HNRNPA3: variants seen among roughly 807,000 people sequenced by gnomAD.
The protein encoded by HNRNPA3 is heterogeneous nuclear ribonucleoprotein A3, also known as epididymis secretory sperm binding protein.
HNRNPA3 carries 3 observed loss-of-function variants against 45.8 expected under a neutral mutation model. That is an observed-to-expected ratio of 0.07 (90% confidence interval 0.03 to 0.17). The LOEUF is 0.17. Among genes scored for constraint, HNRNPA3 ranks in the 10% least tolerant of loss-of-function variants. The pLI, the probability that HNRNPA3 is intolerant of heterozygous loss-of-function variation, is 1.00. For synonymous variants in HNRNPA3, 170 were observed against 155.6 expected, an observed-to-expected ratio of 1.09 and a Z score of -0.69; for missense variants, 183 against 480.3, an observed-to-expected ratio of 0.38 and a Z score of 5.79.
chr2:177,216,837 A>G (rs770862749), intron 6 of HNRNPA3, 23 bp from the exon 7 acceptor site: 42 of 1,612,388 alleles, frequency 2.6e-5, no homozygotes, highest in Non-Finnish European at 3.5e-5. Context: ...TATTATTTTA[A>G]TTCATTTCTT....
chr2:177,220,334 C>T (rs1306018725), downstream of HNRNPA3: 1 of 152,880 alleles, frequency 6.5e-6, no homozygotes, highest in African/African-American at 2.4e-5. Flanking sequence ...TGTTTTCCCT[C>T]TCCTACGTTA....
downstream of HNRNPA3, chr2:177,223,598 A>T (rs187336087): frequency 8.5e-5 from 13 of 152,374 alleles, no homozygotes; most frequent in African/African-American, 3.1e-4. Flanking sequence ...TCCAGTATAT[A>T]ATAATCACAA....
At chr2:177,216,676 G>C (rs1033822355) in exon 6 of HNRNPA3, 1 of 1,614,204 alleles carries the variant, frequency 6.2e-7, no homozygotes, top group Non-Finnish European at 8.5e-7. Context: ...TGTATTAAAG[G>C]TCGTGGAGGT....
At chr2:177,213,809 C>T (rs1688799039) in intron 1 of HNRNPA3, among the ~76,000 whole-genome samples, 1 of 152,156 alleles carries the variant, frequency 6.6e-6, no homozygotes, top group Non-Finnish European at 1.5e-5. Flanking sequence ...TTGTAGTTTC[C>T]TGGAATTTTA....
At chr2:177,222,705 G>C (rs1348206537), downstream of HNRNPA3, 1 of 152,416 alleles carries the variant, frequency 6.6e-6, no homozygotes, top group Non-Finnish European at 1.5e-5. Flanking sequence ...TTGGGAGGCT[G>C]CCTTGATATC....
chr2:177,217,035 A>G, intron 7 of HNRNPA3, 95 bp downstream of exon 7: 1 of 1,270,700 alleles, frequency 7.9e-7, no homozygotes, highest in Non-Finnish European at 1.1e-6. Flanking sequence ...TTAAAACTTC[A>G]GTGGCTAAAT....
downstream of HNRNPA3, chr2:177,222,017 A>AT (rs1246452684): frequency 6.6e-6 from 1 of 152,630 alleles, no homozygotes; most frequent in African/African-American, 2.4e-5. Context: ...TTAAAGAGTA[A>AT]TTTTTTGTAA....
At chr2:177,214,499 G>C (rs1423424535) in intron 1 of HNRNPA3, among the ~76,000 whole-genome samples, 1 of 152,110 alleles carries the variant, frequency 6.6e-6, no homozygotes, top group African/African-American at 2.4e-5. Flanking sequence ...TCACAGTTTT[G>C]AGTTTAAATG....
chr2:177,217,128 AAGT>A (rs1398375323), intron 7 of HNRNPA3, among the ~76,000 whole-genome samples, 188 bp downstream of exon 7: 11 of 152,216 alleles, frequency 7.2e-5, no homozygotes, highest in Non-Finnish European at 1.2e-4. Context: ...CTTTTTCAGC[AAGT>A]AGTAGGGGTT....
At chr2:177,213,486 C>T (rs1277047539) in intron 1 of HNRNPA3, among the ~76,000 whole-genome samples, 1 of 152,144 alleles carries the variant, frequency 6.6e-6, no homozygotes, top group African/African-American at 2.4e-5. Flanking sequence ...CGCGAGAAGT[C>T]GATAATTGGC....
intron 8 of HNRNPA3, among the ~76,000 whole-genome samples, chr2:177,218,748 C>T (rs1689068964): frequency 6.6e-6 from 1 of 152,084 alleles, no homozygotes; most frequent in Non-Finnish European, 1.5e-5. Context: ...GTTAGAATGC[C>T]TTCTCATTGT....
intron 8 of HNRNPA3, among the ~76,000 whole-genome samples, chr2:177,218,060 T>C (rs1012115466): frequency 1.9e-4 from 3 of 16,112 alleles, no homozygotes; most frequent in African/African-American, 2.5e-4. Flanking sequence ...TTCTTTTTTT[T>C]TTTTTTTTTT....
chr2:177,218,188 A>G (rs1319267658), intron 8 of HNRNPA3, among the ~76,000 whole-genome samples: 1 of 149,936 alleles, frequency 6.7e-6, no homozygotes, highest in Non-Finnish European at 1.5e-5. Flanking sequence ...CAGCCTCCCT[A>G]GTAGCTGGGA....
chr2:177,218,543 A>G (rs1689059151), intron 8 of HNRNPA3, among the ~76,000 whole-genome samples: 1 of 152,224 alleles, frequency 6.6e-6, no homozygotes, highest in African/African-American at 2.4e-5. Flanking sequence ...TGAAGTGAGC[A>G]GGTTGCCATC....
chr2:177,217,995 T>G (rs1479379462), intron 8 of HNRNPA3, 150 bp downstream of exon 8: 1 of 643,896 alleles, frequency 1.6e-6, no homozygotes, highest in African/African-American at 1.9e-5. Context: ...AAACCAAATT[T>G]TCTTGACTTT....
At chr2:177,220,362 CT>C, downstream of HNRNPA3, 1 of 153,944 alleles carries the variant, frequency 6.5e-6, no homozygotes, top group Middle Eastern at 7.8e-4. Context: ...TTCTTAAAAA[CT>C]TTTGAAAATA....
intron 1 of HNRNPA3, among the ~76,000 whole-genome samples, chr2:177,214,462 C>T (rs1396905581): frequency 6.6e-6 from 1 of 152,012 alleles, no homozygotes; most frequent in Non-Finnish European, 1.5e-5. Context: ...GTAAGTTTGA[C>T]ATTCAGAACT....
At chr2:177,223,420 A>G (rs1270942536), downstream of HNRNPA3, 1 of 152,162 alleles carries the variant, frequency 6.6e-6, no homozygotes, top group Non-Finnish European at 1.5e-5. Flanking sequence ...GTTGTTATAT[A>G]AGTGATTGGG....
intron 1 of HNRNPA3, among the ~76,000 whole-genome samples, chr2:177,213,566 TC>T (rs1337456406): frequency 2.0e-5 from 3 of 152,218 alleles, no homozygotes; most frequent in Admixed American, 6.5e-5. Context: ...TTAAAATACT[TC>T]CTGATATATT....
Sources: gnomAD v4.1 joint callset for allele counts (sites outside exome capture counted in the v4.1 genomes callset) on GRCh38, gnomAD v4.1.1 for gene constraint, MANE v1.5 for transcripts, NCBI Gene and HGNC (gene_info 2026-07-23, HGNC 2026-07-21) for gene names.